Variants in BNC2 observed in about 807,000 individuals in gnomAD.
BNC2 encodes zinc finger protein basonuclin-2.
In BNC2, 20 loss-of-function variants were observed where a neutral mutation model predicts 76.3. The observed-to-expected ratio is 0.26, with a 90% CI of 0.18 to 0.38. The LOEUF (loss-of-function observed/expected upper bound fraction) is 0.38, where lower values mean the gene tolerates loss of function less well. Among genes scored for constraint, BNC2 ranks in the 10% least tolerant of loss-of-function variants. The pLI, the probability that BNC2 is intolerant of heterozygous loss-of-function variation, is 1.00. For missense variants in BNC2, 1,382 were observed against 1,399.8 expected, an observed-to-expected ratio of 0.99 and a Z score of 0.20; for synonymous variants, 582 against 514.8, an observed-to-expected ratio of 1.13 and a Z score of -1.77.
chr9:16,557,505 TA>T (rs112057330), intron 4 of BNC2, among the ~76,000 whole-genome samples: 4,862 of 140,574 alleles, frequency 0.035, 132 homozygotes, highest in South Asian at 0.19. Flanking sequence ...TCACAGGATT[TA>T]AAAAAAAAAA....
chr9:16,560,125 A>G (rs1333702750), intron 4 of BNC2, among the ~76,000 whole-genome samples: 3 of 152,188 alleles, frequency 2.0e-5, no homozygotes, highest in Non-Finnish European at 4.4e-5. Flanking sequence ...CACCTCCCCC[A>G]GAGTTTCTGA....
At chr9:16,840,060 T>C (rs1178405476) in intron 1 of BNC2, among the ~76,000 whole-genome samples, 3 of 152,218 alleles carry the variant, frequency 2.0e-5, no homozygotes, top group Non-Finnish European at 4.4e-5. Flanking sequence ...CTTTACATCT[T>C]TACTGTTTTA....
intron 3 of BNC2, among the ~76,000 whole-genome samples, chr9:16,583,547 T>C (rs545780130): frequency 6.6e-6 from 1 of 152,296 alleles, no homozygotes; most frequent in South Asian, 2.1e-4. Context: ...ATATTACTTT[T>C]CTTCTGCTGA....
At chr9:16,677,399 T>C (rs1822676728) in intron 3 of BNC2, among the ~76,000 whole-genome samples, 1 of 151,982 alleles carries the variant, frequency 6.6e-6, no homozygotes, top group Non-Finnish European at 1.5e-5. Flanking sequence ...ATGGTGAAAC[T>C]CCATCTCTAC....
At position 16,757,441 on chromosome 9, in the gene BNC2, T is replaced by C. The variant is rs947771258; in HGVS notation, c.4-18956A>G. On this transcript the variant is annotated intron_variant, in intron 1 of 6. Transcript: ENST00000380672. ...GATAAACTCACTCATGCCCTGGCGCTTGAGTCCAATAAACCCTTGAGCAAT... is the reference window on the plus strand; with the variant it reads ...GATAAACTCACTCATGCCCTGGCGCCTGAGTCCAATAAACCCTTGAGCAAT... 2.0e-5 allele frequency among the ~76,000 whole-genome samples: 3 copies of C among 152,206 alleles called. No homozygotes were observed. In the South Asian group the frequency reaches 6.2e-4, roughly 31 times the overall value.
At chr9:16,643,254 C>G (rs1279386474) in intron 3 of BNC2, among the ~76,000 whole-genome samples, 1 of 148,018 alleles carries the variant, frequency 6.8e-6, no homozygotes, top group Non-Finnish European at 1.5e-5. Flanking sequence ...TGCAGTGAGC[C>G]AAGATCACGA....
intron 5 of BNC2, among the ~76,000 whole-genome samples, chr9:16,532,794 G>T (rs972851980): frequency 6.6e-6 from 1 of 152,104 alleles, no homozygotes; most frequent in East Asian, 1.9e-4. Context: ...TGGTATGGTG[G>T]AAATACCATA....
At chr9:16,421,905 G>A (rs1269248097) in intron 6 of BNC2, among the ~76,000 whole-genome samples, 2 of 152,122 alleles carry the variant, frequency 1.3e-5, no homozygotes, top group Admixed American at 1.3e-4. Flanking sequence ...TTAATTTCAC[G>A]AGCACACATT....
At chr9:16,498,839 G>C (rs933883894) in intron 5 of BNC2, among the ~76,000 whole-genome samples, 2 of 151,960 alleles carry the variant, frequency 1.3e-5, no homozygotes, top group African/African-American at 4.8e-5. Context: ...AAATCCTATT[G>C]TCCAATTCTC....
At chr9:16,525,216 CA>C (rs1345716089) in intron 5 of BNC2, among the ~76,000 whole-genome samples, 3 of 151,820 alleles carry the variant, frequency 2.0e-5, no homozygotes, top group African/African-American at 7.3e-5. Flanking sequence ...ACTCAAGAAT[CA>C]AAAGTCAATC....
At chr9:16,616,998 T>C (rs897013587) in intron 3 of BNC2, among the ~76,000 whole-genome samples, 4 of 152,204 alleles carry the variant, frequency 2.6e-5, no homozygotes, top group Non-Finnish European at 4.4e-5. Flanking sequence ...CCACAGATAA[T>C]ATGAAACCCA....
intron 1 of BNC2, among the ~76,000 whole-genome samples, chr9:16,777,632 C>T (rs1184379609): frequency 6.8e-6 from 1 of 146,504 alleles, no homozygotes; most frequent in East Asian, 2.0e-4. Flanking sequence ...ACCCGGGAGG[C>T]GGAGCTTGCA....
At chr9:16,525,584 A>C (rs1429978822) in intron 5 of BNC2, among the ~76,000 whole-genome samples, 1 of 152,226 alleles carries the variant, frequency 6.6e-6, no homozygotes, top group East Asian at 1.9e-4. Flanking sequence ...ACCAAAGATC[A>C]AAAATATGTT....
chr9:16,572,614 G>C (rs1271982597), intron 4 of BNC2, among the ~76,000 whole-genome samples: 2 of 152,116 alleles, frequency 1.3e-5, no homozygotes, highest in African/African-American at 4.8e-5. Context: ...AGTGTATTGA[G>C]AAAATAAAGA....
At chr9:16,804,231 T>C (rs995893592) in intron 1 of BNC2, among the ~76,000 whole-genome samples, 1 of 152,244 alleles carries the variant, frequency 6.6e-6, no homozygotes, top group Non-Finnish European at 1.5e-5. Flanking sequence ...CTAAAAGTAA[T>C]GCACAATGAT....
chr9:16,744,006 A>C (rs939303789), intron 1 of BNC2, among the ~76,000 whole-genome samples: 3 of 151,668 alleles, frequency 2.0e-5, no homozygotes, highest in Non-Finnish European at 4.4e-5. Flanking sequence ...TCGCTCTGTC[A>C]CCCAGGCTGG....
chr9:16,560,448 A>G (rs1818975753), intron 4 of BNC2, among the ~76,000 whole-genome samples: 1 of 152,206 alleles, frequency 6.6e-6, no homozygotes, highest in African/African-American at 2.4e-5. Flanking sequence ...GTGGTGGTAC[A>G]TGCCTGAAAT....
rs1050782730 is a variant in BNC2, at chr9:16,684,914, AAT to A, written c.330+42881_330+42882del. On this transcript the variant is annotated intron_variant, in intron 3 of 6. Transcript: ENST00000380672. ...CAACAGTTTCACCAAAAAAAAAAAA[AAT>A]GTACTTTGCTAATATACTCCTATTA... 7.2e-5 allele frequency among the ~76,000 whole-genome samples: 11 copies of A among 152,128 alleles called. No individual in the cohort carries two copies. In the East Asian group the frequency reaches 7.7e-4, roughly 11 times the overall value.
intron 1 of BNC2, among the ~76,000 whole-genome samples, chr9:16,786,994 CAGTG>C (rs1469793080): frequency 6.6e-6 from 1 of 152,144 alleles, no homozygotes; most frequent in Non-Finnish European, 1.5e-5. Flanking sequence ...AGACGAGTAA[CAGTG>C]ATTCCAGGCT....
Sources: allele counts gnomAD v4.1 joint callset (sites outside exome capture counted in the v4.1 genomes callset), GRCh38; gene constraint gnomAD v4.1.1; transcripts MANE v1.5; gene names NCBI Gene and HGNC (gene_info 2026-07-23, HGNC 2026-07-21).